The following SDK1 variants were observed in gnomAD, a reference collection of about 807,000 sequenced individuals.
The protein encoded by SDK1 is protein sidekick-1.
In SDK1, 157 loss-of-function variants were observed where a neutral mutation model predicts 245.5. The ratio of observed to expected loss-of-function variants is 0.64; its 90% CI spans 0.56 to 0.73. SDK1 has a LOEUF of 0.73. Among genes scored for constraint, SDK1 ranks in the 30% least tolerant of loss-of-function variants. SDK1 has a pLI of 0.00. For synonymous variants in SDK1, 1,647 were observed against 1,278.5 expected (o/e 1.29, Z -6.15); for missense variants, 3,583 against 3,002.3 (o/e 1.19, Z -4.52).
At chr7:3,867,073 G>A (rs1406235028) in intron 5 of SDK1, among the ~76,000 whole-genome samples, 1 of 152,176 alleles carries the variant, frequency 6.6e-6, no homozygotes, top group African/African-American at 2.4e-5. Flanking sequence ...CATTCCCCGT[G>A]CTAATGGAAA....
chr7:3,337,027 T>C (rs958897084), intron 1 of SDK1, among the ~76,000 whole-genome samples: 1 of 145,444 alleles, frequency 6.9e-6, no homozygotes, highest in Non-Finnish European at 1.5e-5. Context: ...CATACCAATT[T>C]ATACAATTCT....
chr7:3,962,269 A>G (rs146896645), intron 8 of SDK1, among the ~76,000 whole-genome samples: 60 of 152,304 alleles, frequency 3.9e-4, no homozygotes, highest in African/African-American at 1.3e-3. Flanking sequence ...CTCTGCCCCT[A>G]TGACCCTGTG....
At chr7:3,537,569 A>G (rs753594023) in intron 1 of SDK1, among the ~76,000 whole-genome samples, 1 of 152,214 alleles carries the variant, frequency 6.6e-6, no homozygotes, top group Non-Finnish European at 1.5e-5. Flanking sequence ...GTTGAAAAGA[A>G]TAACAAACTG....
At chr7:4,045,357 C>T (rs916897582) in intron 17 of SDK1, among the ~76,000 whole-genome samples, 2 of 152,148 alleles carry the variant, frequency 1.3e-5, no homozygotes, top group Non-Finnish European at 2.9e-5. Flanking sequence ...ATCCCCCCAT[C>T]TCAGCCTCCC....
intron 1 of SDK1, among the ~76,000 whole-genome samples, chr7:3,340,628 T>A (rs961365951): frequency 6.6e-6 from 1 of 151,890 alleles, no homozygotes; most frequent in East Asian, 1.9e-4. Context: ...CGGGGCATGG[T>A]GGCAGGCGCC....
intron 1 of SDK1, among the ~76,000 whole-genome samples, chr7:3,412,710 C>A: frequency 6.6e-6 from 1 of 152,104 alleles, no homozygotes; most frequent in East Asian, 1.9e-4. Flanking sequence ...CCATAGGTTG[C>A]GAGTGTATGA....
In SDK1 at chr7:4,267,770, C is replaced by G; in HGVS notation, c.*2386C>G. 1 of 985,534 alleles carries G rather than the reference C, an allele frequency of 1.0e-6. No individual in the cohort carries two copies. Among genetic ancestry groups the G allele is most frequent in the Middle Eastern group, 5.2e-4 (1 of 1,914 alleles). The allele number at this position is 985,534 out of a possible 1,614,324, so 61.0% of individuals were successfully genotyped here. Reference sequence around the variant, plus strand: ...CAAGCTCATGTTTTCCGTCTCCCCTCCACTCTTAGTAAACCTTGATCTGTA... The same window carrying G: ...CAAGCTCATGTTTTCCGTCTCCCCTGCACTCTTAGTAAACCTTGATCTGTA... On this transcript the variant is annotated 3_prime_UTR_variant, in exon 45 of 45. Transcript: ENST00000404826.
At chr7:3,540,437 T>A (rs1047303402) in intron 1 of SDK1, among the ~76,000 whole-genome samples, 2 of 152,156 alleles carry the variant, frequency 1.3e-5, no homozygotes, top group African/African-American at 2.4e-5. Context: ...CCTGGGTTGC[T>A]GGGAACCTTC....
intron 1 of SDK1, among the ~76,000 whole-genome samples, chr7:3,603,989 G>C (rs1333487534): frequency 1.3e-5 from 2 of 152,152 alleles, no homozygotes; most frequent in Non-Finnish European, 2.9e-5. Flanking sequence ...TACCTTTATT[G>C]ATTTGCGTAT....
In SDK1 at chr7:4,265,674, A is replaced by C. The variant is rs189964491; in HGVS notation, c.*290A>C. 43 of 1,190,242 alleles carry C rather than the reference A, an allele frequency of 3.6e-5. No individual in the cohort carries two copies. The African/African-American group carries it at 6.1e-4, about 17-fold the overall frequency. The allele number at this position is 1,190,242 out of a possible 1,614,324, so 73.7% of individuals were successfully genotyped here. A position where few individuals can be genotyped will look rare whatever the true frequency, so the allele number is the denominator to read the frequency against. On this transcript the variant is annotated 3_prime_UTR_variant, in exon 45 of 45. Transcript: ENST00000404826. ...CTTGGCACCTCCGGGGCCTGGGAGGACCTCAGACCTCCCCAGCCCTGGGTT... is the reference window on the plus strand; with the variant it reads ...CTTGGCACCTCCGGGGCCTGGGAGGCCCTCAGACCTCCCCAGCCCTGGGTT...
At chr7:3,873,515 A>G (rs1212258816) in intron 5 of SDK1, among the ~76,000 whole-genome samples, 1 of 151,714 alleles carries the variant, frequency 6.6e-6, no homozygotes, top group South Asian at 2.1e-4. Flanking sequence ...CTAGCCCATT[A>G]TTTTTTCAGC....
At chr7:3,465,337 G>T (rs906370064) in intron 1 of SDK1, among the ~76,000 whole-genome samples, 1 of 151,980 alleles carries the variant, frequency 6.6e-6, no homozygotes, top group African/African-American at 2.4e-5. Context: ...ATTAAACTAT[G>T]AGTAAAAAAA....
intron 4 of SDK1, among the ~76,000 whole-genome samples, chr7:3,795,533 T>A (rs1167863041): frequency 6.6e-6 from 1 of 152,168 alleles, no homozygotes; most frequent in Non-Finnish European, 1.5e-5. Flanking sequence ...GAGGATTGGC[T>A]GCGCTCATGG....
At position 4,268,724 on chromosome 7, in the gene SDK1, G is replaced by C. The variant is rs771298542; in HGVS notation, c.*3340G>C. ...CAACCCGTCTGCGTACCTAAGTGTG[G>C]CTCCCCGTGGGTCAGCGTCCTGGTA... On this transcript the variant is annotated 3_prime_UTR_variant, in exon 45 of 45. Coordinates refer to ENST00000404826, the MANE Select transcript of SDK1 (RefSeq NM_152744.4). 1 of 1,367,734 alleles carries C rather than the reference G, an allele frequency of 7.3e-7. No individual in the cohort carries two copies. The highest frequency in any genetic ancestry group is 1.1e-5 in the South Asian group (1 of 88,052). 84.7% of individuals were successfully genotyped at this position (1,367,734 alleles called of 1,614,324 possible).
chr7:3,670,580 G>A (rs903640872), intron 4 of SDK1, among the ~76,000 whole-genome samples: 3 of 152,120 alleles, frequency 2.0e-5, no homozygotes, highest in South Asian at 4.1e-4. Flanking sequence ...AAACGTGTGC[G>A]GTGGTAGCAC....
intron 4 of SDK1, among the ~76,000 whole-genome samples, chr7:3,668,942 GTCATGGGAGGC>G (rs1477753198): frequency 6.6e-6 from 1 of 152,216 alleles, no homozygotes; most frequent in African/African-American, 2.4e-5. Context: ...CCTGTGTGAC[GTCATGGGAGGC>G]TCTGGCAGAG....
intron 13 of SDK1, among the ~76,000 whole-genome samples, chr7:3,975,437 C>T (rs1782846197): frequency 6.6e-6 from 1 of 152,186 alleles, no homozygotes; most frequent in Admixed American, 6.5e-5. Flanking sequence ...ACCCTGCCCC[C>T]TTTGATCCAG....
chr7:4,197,778 C>A (rs1277807341), intron 35 of SDK1, among the ~76,000 whole-genome samples: 1 of 152,168 alleles, frequency 6.6e-6, no homozygotes. Context: ...TGCTGTCTGG[C>A]GCAGGCGCTC....
chr7:4,169,810 C>T (rs561619051), intron 32 of SDK1, among the ~76,000 whole-genome samples: 38 of 152,112 alleles, frequency 2.5e-4, no homozygotes, highest in African/African-American at 8.7e-4. Flanking sequence ...TCCCTCCCTG[C>T]GGGAGGGCCC....
Sources: allele counts gnomAD v4.1 joint callset (sites outside exome capture counted in the v4.1 genomes callset), GRCh38; gene constraint gnomAD v4.1.1; transcripts MANE v1.5; gene names NCBI Gene and HGNC (gene_info 2026-07-23, HGNC 2026-07-21).